The following STEAP2 variants were observed in gnomAD, a reference collection of about 807,000 sequenced individuals.
STEAP2 encodes the protein STEAP2 metalloreductase, also known as metalloreductase STEAP2.
Under a neutral mutation model 46.4 loss-of-function variants are expected in STEAP2, and 30 were observed. The ratio of observed to expected loss-of-function variants is 0.65; its 90% confidence interval spans 0.48 to 0.88. The LOEUF is 0.88. Ranked by LOEUF, STEAP2 falls within the 40% of genes least tolerant of loss-of-function variation. The pLI, the probability that STEAP2 is intolerant of heterozygous loss-of-function variation, is 0.00. For missense variants in STEAP2, 513 were observed against 579.3 expected, an observed-to-expected ratio of 0.89 and a Z score of 1.18; for synonymous variants, 180 against 200.5, an observed-to-expected ratio of 0.90 and a Z score of 0.86.
In STEAP2 at chr7:90,233,634, C is replaced by A. The variant is rs1795845156; in HGVS notation, c.*1010C>A. 1 of 869,640 alleles carries A rather than the reference C, an allele frequency of 1.1e-6. No homozygotes were observed. The highest frequency in any genetic ancestry group is 1.4e-6 in the Non-Finnish European group (1 of 724,678). 53.9% of individuals were successfully genotyped at this position (869,640 alleles called of 1,614,324 possible). On this transcript the variant is annotated 3_prime_UTR_variant, in exon 6 of 6. Transcript: ENST00000394621. ...CCGTGAGATAAGTAGTTATTATCCT[C>A]ATTTTACACATGAGGGACCGAAGGA...
At position 90,236,244 on chromosome 7, in the gene STEAP2, A is replaced by G; in HGVS notation, c.*3620A>G. 1.1e-6 allele frequency: 1 copy of G among 876,802 alleles called. No individual in the cohort carries two copies. The highest frequency in any genetic ancestry group is 1.4e-6 in the Non-Finnish European group (1 of 731,498). The allele number at this position is 876,802 out of a possible 1,614,324, so 54.3% of individuals were successfully genotyped here. On this transcript the variant is annotated 3_prime_UTR_variant, in exon 6 of 6. Coordinates refer to ENST00000394621, the MANE Select transcript of STEAP2 (RefSeq NM_001244944.2). ...TTAAAGTTTCTAATGTGGTATTTTAAATAAAGTATCATAAATGTAATAAGT... is the reference window on the plus strand; with the variant it reads ...TTAAAGTTTCTAATGTGGTATTTTAGATAAAGTATCATAAATGTAATAAGT...
In STEAP2 at chr7:90,228,091, TA is replaced by T. The variant is rs541507972; in HGVS notation, c.1020+604del. Reference sequence around the variant, plus strand: ...GTGAAGCTTTTCTAGCACTTAGCTCTAAAAAAAAAAATCTCAGGGAGCACTT... The same window carrying T: ...GTGAAGCTTTTCTAGCACTTAGCTCTAAAAAAAAAATCTCAGGGAGCACTT... On this transcript the variant is annotated intron_variant, in intron 4 of 5. Transcript: ENST00000394621. Among the ~76,000 whole-genome samples, 38 of 147,416 alleles carry T rather than the reference TA, an allele frequency of 2.6e-4. 1 individual carries two copies. The highest frequency in any genetic ancestry group is 7.4e-4 in the Admixed American group (11 of 14,780).
chr7:90,217,299 A>G (rs1795063627), intron 2 of STEAP2, among the ~76,000 whole-genome samples: 1 of 152,166 alleles, frequency 6.6e-6, no homozygotes, highest in Non-Finnish European at 1.5e-5. Context: ...TTTGAAATAC[A>G]CAGTACATTG....
chr7:90,230,162 A>G (rs1795679576), intron 5 of STEAP2, 126 bp downstream of exon 5: 13 of 1,497,906 alleles, frequency 8.7e-6, no homozygotes, highest in Admixed American at 2.3e-5. Flanking sequence ...ATCTAGATAC[A>G]TTATGCTGGA....
intron 2 of STEAP2, among the ~76,000 whole-genome samples, chr7:90,222,539 A>G (rs1795294631): frequency 6.6e-6 from 1 of 152,072 alleles, no homozygotes; most frequent in Non-Finnish European, 1.5e-5. Context: ...TTCTGTCTTT[A>G]TGTCCTTGGA....
At position 90,232,404 on chromosome 7, in the gene STEAP2, CT is replaced by C. The variant is rs1386691175; in HGVS notation, c.1257del (p.Phe419LeufsTer24). On this transcript the variant is annotated frameshift_variant, in exon 6 of 6. Transcript: ENST00000394621. LOFTEE classifies it high-confidence loss of function. Reference sequence around the variant, plus strand: ...GTTTTAATTTATGGATGGAAACGAGCTTTTGAGGAAGAGTACTACAGATTTT... The same window carrying C: ...GTTTTAATTTATGGATGGAAACGAGCTTTGAGGAAGAGTACTACAGATTTT... Reference protein sequence around the residue: ...FHVLIYGWKRAFEEEYYRFYT... With the variant: ...FHVLIYGWKRXFEEEYYRFYT... 1 of 1,613,204 alleles carries C rather than the reference CT, an allele frequency of 6.2e-7. No individual in the cohort carries two copies. The highest frequency in any genetic ancestry group is 8.5e-7 in the Non-Finnish European group (1 of 1,179,526).
chr7:90,240,203 C>T (rs775220313), downstream of STEAP2, among the ~76,000 whole-genome samples: 6 of 151,922 alleles, frequency 3.9e-5, no homozygotes, highest in South Asian at 2.1e-4. The surrounding 1 kb of genome is among the most constrained non-coding windows in gnomAD (Gnocchi z 4.1). Flanking sequence ...TCACCTGAGC[C>T]CAGGGAGGTC....
rs1479621195 is a variant in STEAP2, at chr7:90,233,876, G to A, written c.*1252G>A. 1.0e-6 allele frequency: 1 copy of A among 984,254 alleles called. No homozygotes were observed. The highest frequency in any genetic ancestry group is 1.2e-6 in the Non-Finnish European group (1 of 829,064). 61.0% of individuals were successfully genotyped at this position (984,254 alleles called of 1,614,324 possible). Reference sequence around the variant, plus strand: ...GAGTGGGTTGGGTGCATCCAAAAATGTATAAAAATATTATTATAATAAACT... The same window carrying A: ...GAGTGGGTTGGGTGCATCCAAAAATATATAAAAATATTATTATAATAAACT... On this transcript the variant is annotated 3_prime_UTR_variant, in exon 6 of 6. Coordinates refer to ENST00000394621, the MANE Select transcript of STEAP2 (RefSeq NM_001244944.2).
At position 90,236,095 on chromosome 7, in the gene STEAP2, T is replaced by A. The variant is rs1171541660; in HGVS notation, c.*3471T>A. The A allele has an allele frequency of 1.1e-5, 7 of 663,948 alleles. No individual in the cohort carries two copies. The highest frequency in any genetic ancestry group is 1.1e-5 in the Non-Finnish European group (6 of 537,480). The allele number at this position is 663,948 out of a possible 1,614,324, so 41.1% of individuals were successfully genotyped here. A position where few individuals can be genotyped will look rare whatever the true frequency, so the allele number is the denominator to read the frequency against. On this transcript the variant is annotated 3_prime_UTR_variant, in exon 6 of 6. Coordinates refer to ENST00000394621, the MANE Select transcript of STEAP2 (RefSeq NM_001244944.2). ...GGGCTTCAAGAATATATCCAATTTT[T>A]AAATATTTTAATATATCTCCTATCT...
At chr7:90,242,668 A>G (rs1796077557), downstream of STEAP2, among the ~76,000 whole-genome samples, 1 of 152,190 alleles carries the variant, frequency 6.6e-6, no homozygotes, top group Non-Finnish European at 1.5e-5. Context: ...ACAGCAATTT[A>G]AGTCATATGA....
rs182676914 is a variant in STEAP2, at chr7:90,229,934, C to T, written c.1083C>T (p.Ile361=). Residue 361 remains isoleucine (I), a synonymous_variant, in exon 5 of 6, where the codon ATC becomes ATT. Coordinates refer to ENST00000394621, the MANE Select transcript of STEAP2 (RefSeq NM_001244944.2). The part of the protein sequence containing the change: ...EEEVWRIEMY[I]SFGIMSLGLL... Reference sequence around the variant, plus strand: ...AAGTTTGGAGAATTGAAATGTATATCTCCTTTGGCATAATGAGCCTTGGCT... The same window carrying T: ...AAGTTTGGAGAATTGAAATGTATATTTCCTTTGGCATAATGAGCCTTGGCT... The T allele has an allele frequency of 3.1e-6, 5 of 1,613,546 alleles. No individual in the cohort carries two copies. The African/African-American group carries it at 4.0e-5, about 13-fold the overall frequency.
At chr7:90,223,592 C>G (rs1252676314) in intron 2 of STEAP2, among the ~76,000 whole-genome samples, 1 of 152,206 alleles carries the variant, frequency 6.6e-6, no homozygotes, top group African/African-American at 2.4e-5. Flanking sequence ...TGCTTGCGCT[C>G]TGAACTCACT....
At chr7:90,230,211 C>CCAGT (rs1337256698) in intron 5 of STEAP2, among the ~76,000 whole-genome samples, 175 bp downstream of exon 5, 1 of 151,656 alleles carries the variant, frequency 6.6e-6, no homozygotes, top group Non-Finnish European at 1.5e-5. Context: ...AAGTGAAAGA[C>CCAGT]CAGTCAGTAT....
chr7:90,238,592 G>A (rs921987441), downstream of STEAP2, among the ~76,000 whole-genome samples: 4 of 152,162 alleles, frequency 2.6e-5, no homozygotes, highest in African/African-American at 9.7e-5. Flanking sequence ...GCAAAGCTAT[G>A]ACAAGCTCAC....
At chr7:90,224,975 G>A (rs1584237277) in intron 2 of STEAP2, 75 bp from the exon 3 acceptor site, 1 of 1,258,176 alleles carries the variant, frequency 7.9e-7, no homozygotes, top group Non-Finnish European at 1.1e-6. Flanking sequence ...AGAAAGACAG[G>A]ACATTACAAT....
rs987484217 is a variant in STEAP2, at chr7:90,235,049, C to T, written c.*2425C>T. 1.0e-6 allele frequency: 1 copy of T among 952,420 alleles called. No individual in the cohort carries two copies. The highest frequency in any genetic ancestry group is 1.8e-5 in the African/African-American group (1 of 56,634). 59.0% of individuals were successfully genotyped at this position (952,420 alleles called of 1,614,324 possible). A position where few individuals can be genotyped will look rare whatever the true frequency, so the allele number is the denominator to read the frequency against. The stretch of plus-strand genomic sequence containing the variant: ...ATATTTTCTTATTCCTTAAATTCCA[C>T]TCTTTTAACACTATGCTTAACCACT... On this transcript the variant is annotated 3_prime_UTR_variant, in exon 6 of 6. Transcript: ENST00000394621.
downstream of STEAP2, among the ~76,000 whole-genome samples, chr7:90,238,728 G>A (rs1014462781): frequency 2.0e-5 from 3 of 152,114 alleles, no homozygotes; most frequent in African/African-American, 7.2e-5. Context: ...TTTGTTTATG[G>A]CAGGCTTGGG....
chr7:90,229,986 A>G lies in STEAP2; in HGVS notation c.1135A>G (p.Ile379Val), dbSNP rs140360438. 17 of 1,613,438 alleles carry G rather than the reference A, an allele frequency of 1.1e-5. No individual in the cohort carries two copies. Among genetic ancestry groups the G allele is most frequent in the East Asian group, 2.2e-5 (1 of 44,874 alleles). Residue 379 changes from isoleucine (I) to valine (V), a missense_variant, in exon 5 of 6, where the codon ATC becomes GTC. Physicochemically the swap from Ile to Val is conservative, Grantham distance 29 (BLOSUM62 3). Transcript: ENST00000394621. ...ACTTTCCCTCCTGGCAGTCACTTCT[A>G]TCCCTTCAGTGAGCAATGCTTTAAA... is the stretch of plus-strand genomic sequence containing the variant. ...GLLSLLAVTSIPSVSNALNWR... is the reference protein window; with the variant it reads ...GLLSLLAVTSVPSVSNALNWR...
downstream of STEAP2, chr7:90,237,949 T>C: frequency 3.3e-6 from 2 of 602,926 alleles, no homozygotes; most frequent in South Asian, 4.2e-5. Context: ...CCCCAGTATC[T>C]AGTATAATGT....
Sources: gnomAD v4.1 joint callset for allele counts (sites outside exome capture counted in the v4.1 genomes callset) on GRCh38, gnomAD v4.1.1 for gene constraint, Gnocchi (gnomAD v3.1) non-coding constraint, MANE v1.5 for transcripts, NCBI Gene and HGNC (gene_info 2026-07-23, HGNC 2026-07-21) for gene names.